Variants in MDM4 observed in about 807,000 individuals in gnomAD.
MDM4 encodes protein Mdm4.
In MDM4, 2 loss-of-function variants were observed where a neutral mutation model predicts 60.2. That is an observed-to-expected ratio of 0.03 (90% CI 0.01 to 0.10). The LOEUF is 0.10. Among genes scored for constraint, MDM4 ranks in the 10% least tolerant of loss-of-function variants. The pLI, the probability that MDM4 is intolerant of heterozygous loss-of-function variation, is 1.00. For synonymous variants in MDM4, 202 were observed against 198.1 expected (o/e 1.02, Z -0.17); for missense variants, 447 against 577.5 (o/e 0.77, Z 2.32).
At chr1:204,546,268 T>C (rs548084454) in intron 9 of MDM4, among the ~76,000 whole-genome samples, 1 of 152,270 alleles carries the variant, frequency 6.6e-6, no homozygotes, top group Admixed American at 6.5e-5. Context: ...AGTGGTGAGA[T>C]CATAGCTTAC....
rs1281016016 is a variant in MDM4 at position 204,553,937 on chromosome 1, C to T, written c.*4255C>T. On this transcript the variant is annotated 3_prime_UTR_variant, in exon 11 of 11. Transcript: ENST00000367182. ...GAGTTGAGCCATGCCAGCCTCCACA[C>T]TGCCACTAACTTCTGTAATGTAAGA... is the stretch of plus-strand genomic sequence containing the variant. 4.4e-6 allele frequency: 1 copy of T among 224,738 alleles called. No individual in the cohort carries two copies. Among genetic ancestry groups the T allele is most frequent in the African/African-American group, 2.2e-5 (1 of 44,914 alleles). 13.9% of individuals were successfully genotyped at this position (224,738 alleles called of 1,614,324 possible). A position where few individuals can be genotyped will look rare whatever the true frequency, so the allele number is the denominator to read the frequency against.
At position 204,553,943 on chromosome 1, in the gene MDM4, C is replaced by T. The variant is rs1337132041; in HGVS notation, c.*4261C>T. ...AGCCATGCCAGCCTCCACACTGCCA[C>T]TAACTTCTGTAATGTAAGATTGAGT... On this transcript the variant is annotated 3_prime_UTR_variant, in exon 11 of 11. Coordinates refer to ENST00000367182, the MANE Select transcript of MDM4 (RefSeq NM_002393.5). The T allele has an allele frequency of 1.8e-5, 4 of 224,882 alleles. No individual in the cohort carries two copies. The highest frequency in any genetic ancestry group is 5.7e-5 in the Admixed American group (1 of 17,494). The allele number at this position is 224,882 out of a possible 1,614,324, so 13.9% of individuals were successfully genotyped here. A position where few individuals can be genotyped will look rare whatever the true frequency, so the allele number is the denominator to read the frequency against.
chr1:204,544,482 ATC>A, intron 8 of MDM4, 51 bp from the exon 9 acceptor site: 1 of 1,547,126 alleles, frequency 6.5e-7, no homozygotes, highest in East Asian at 2.3e-5. Context: ...TTGTTTCAAC[ATC>A]TCTGATAAAC....
chr1:204,529,944 T>C (rs1660696114), intron 3 of MDM4, among the ~76,000 whole-genome samples: 1 of 152,208 alleles, frequency 6.6e-6, no homozygotes, highest in East Asian at 1.9e-4. Context: ...TGGTGGTATC[T>C]CAGCTCACTG....
intron 3 of MDM4, chr1:204,529,640 C>T (rs1237063211): frequency 1.4e-5 from 13 of 934,804 alleles, no homozygotes; most frequent in Non-Finnish European, 1.9e-5. Context: ...CGGAGGGGTT[C>T]CTGGCGCTTG....
In MDM4 at chr1:204,556,219, A is replaced by G. The variant is rs1663529318; in HGVS notation, c.*6537A>G. The G allele has an allele frequency of 4.4e-6, 1 of 225,698 alleles. No individual in the cohort carries two copies. The highest frequency in any genetic ancestry group is 5.7e-5 in the Admixed American group (1 of 17,506). The allele number at this position is 225,698 out of a possible 1,614,324, so 14.0% of individuals were successfully genotyped here. On this transcript the variant is annotated 3_prime_UTR_variant, in exon 11 of 11. Transcript: ENST00000367182. Reference sequence around the variant, plus strand: ...CCTTATCAGCCCTTGTAACTACAGTATCTTTAGATAAGATTCCTCTTTCCA... The same window carrying G: ...CCTTATCAGCCCTTGTAACTACAGTGTCTTTAGATAAGATTCCTCTTTCCA...
chr1:204,558,064 G>C lies in MDM4; in HGVS notation c.*8382G>C, dbSNP rs1343490833. Reference sequence around the variant, plus strand: ...CTTTTTGGTGTTTGCACTATGTAATGCTTTTAATACTTTTTAATTGTGCTT... The same window carrying C: ...CTTTTTGGTGTTTGCACTATGTAATCCTTTTAATACTTTTTAATTGTGCTT... On this transcript the variant is annotated 3_prime_UTR_variant, in exon 11 of 11. Transcript: ENST00000367182. 3 of 183,526 alleles carry C rather than the reference G, an allele frequency of 1.6e-5. No homozygotes were observed. The highest frequency in any genetic ancestry group is 3.5e-5 in the Non-Finnish European group (3 of 86,588). 11.4% of individuals were successfully genotyped at this position (183,526 alleles called of 1,614,324 possible).
At position 204,542,918 on chromosome 1, in the gene MDM4, G is replaced by A; in HGVS notation, c.646G>A (p.Gly216Ser). Residue 216 changes from glycine to serine, a missense_variant, in exon 8 of 11, where the codon GGC becomes AGC. Gly to Ser is a moderately conservative substitution (Grantham distance 56, BLOSUM62 0). Coordinates refer to ENST00000367182, the MANE Select transcript of MDM4 (RefSeq NM_002393.5). ...AAGCAACTATACACCTAGAAGTAAT[G>A]GCTCAACTGATTTACAGACAAATCA... ...LRSNYTPRSN[G>S]STDLQTNQDV... 6.2e-7 allele frequency: 1 copy of A among 1,608,942 alleles called. No homozygotes were observed. Among genetic ancestry groups the A allele is most frequent in the Non-Finnish European group, 8.5e-7 (1 of 1,178,550 alleles).
intron 3 of MDM4, among the ~76,000 whole-genome samples, chr1:204,526,981 A>G (rs1347780276): frequency 6.6e-6 from 1 of 152,188 alleles, no homozygotes; most frequent in Non-Finnish European, 1.5e-5. Flanking sequence ...TAGAGTTAAA[A>G]TGCAGAGCAA....
intron 7 of MDM4, 135 bp from the exon 8 acceptor site, chr1:204,542,649 G>C: frequency 1.5e-6 from 1 of 657,478 alleles, no homozygotes; most frequent in Non-Finnish European, 2.4e-6. Flanking sequence ...ACAGATACTT[G>C]ATTTCTGGTT....
intron 5 of MDM4, chr1:204,536,986 C>T: frequency 2.7e-6 from 1 of 366,284 alleles, no homozygotes. Context: ...TTTCAAGATC[C>T]CATAACCCTG....
At chr1:204,537,085 T>C (rs1661503222) in intron 5 of MDM4, 1 of 284,034 alleles carries the variant, frequency 3.5e-6, no homozygotes. Context: ...TTTGGTAATA[T>C]ATAGGAAGAG....
At chr1:204,518,970 C>T (rs1022659838) in intron 1 of MDM4, among the ~76,000 whole-genome samples, 1 of 151,978 alleles carries the variant, frequency 6.6e-6, no homozygotes, top group African/African-American at 2.4e-5. Context: ...CCTGGAATCT[C>T]GTGATGACTG....
rs925441760 is a variant in MDM4, at chr1:204,550,739, G to T, written c.*1057G>T. ...TTTGTAGACGGTGTCTCGTTATGTT[G>T]CCCAGGCTGGTCTCGAACTCCTGGG... On this transcript the variant is annotated 3_prime_UTR_variant, in exon 11 of 11. Transcript: ENST00000367182. The T allele has an allele frequency of 5.7e-6, 1 of 175,262 alleles. No individual in the cohort carries two copies. The highest frequency in any genetic ancestry group is 1.2e-5 in the Non-Finnish European group (1 of 81,368). 10.9% of individuals were successfully genotyped at this position (175,262 alleles called of 1,614,324 possible).
At chr1:204,546,900 A>G in intron 10 of MDM4, 23 bp downstream of exon 10, 2 of 1,437,428 alleles carry the variant, frequency 1.4e-6, no homozygotes, top group Non-Finnish European at 2.0e-6. Context: ...AGCAAGAACT[A>G]TTTTGCACCA....
chr1:204,556,242 CCAGT>C lies in MDM4; in HGVS notation c.*6566_*6569del, dbSNP rs986978402. On this transcript the variant is annotated 3_prime_UTR_variant, in exon 11 of 11. Coordinates refer to ENST00000367182, the MANE Select transcript of MDM4 (RefSeq NM_002393.5). ...GTATCTTTAGATAAGATTCCTCTTT[CCAGT>C]CAGTCCTGGGAAATGTTTCTGTTGC... The C allele has an allele frequency of 4.4e-6, 1 of 225,938 alleles. No homozygotes were observed. The highest frequency in any genetic ancestry group is 2.2e-5 in the African/African-American group (1 of 44,926). The allele number at this position is 225,938 out of a possible 1,614,324, so 14.0% of individuals were successfully genotyped here.
intron 7 of MDM4, among the ~76,000 whole-genome samples, chr1:204,541,449 C>T (rs2102412989): frequency 6.6e-6 from 1 of 152,230 alleles, no homozygotes; most frequent in Middle Eastern, 3.4e-3. Context: ...TGTCACTGCA[C>T]TCCAGCCTGG....
rs7782 is a variant in MDM4, at chr1:204,557,951, G to T, written c.*8269G>T. ...TAATAACAACAACTTATTGAATGTG[G>T]CCAGCTCACTAGATGAGGAAAGAGG... On this transcript the variant is annotated 3_prime_UTR_variant, in exon 11 of 11. Coordinates refer to ENST00000367182, the MANE Select transcript of MDM4 (RefSeq NM_002393.5). 5.5e-6 allele frequency: 1 copy of T among 182,818 alleles called. No homozygotes were observed. 11.3% of individuals were successfully genotyped at this position (182,818 alleles called of 1,614,324 possible).
intron 5 of MDM4, 33 bp downstream of exon 5, chr1:204,532,279 A>G: frequency 7.0e-7 from 1 of 1,433,718 alleles, no homozygotes; most frequent in Non-Finnish European, 9.8e-7. Context: ...AGTCTGTATC[A>G]CAGCTTTGAG....
Sources: allele counts gnomAD v4.1 joint callset (sites outside exome capture counted in the v4.1 genomes callset), GRCh38; gene constraint gnomAD v4.1.1; transcripts MANE v1.5; gene names NCBI Gene and HGNC (gene_info 2026-07-23, HGNC 2026-07-21).